U2AF1L4: variants seen among roughly 807,000 people sequenced by gnomAD.
The protein encoded by U2AF1L4 is U2 small nuclear RNA auxiliary factor 1 like 4, also known as splicing factor U2AF 26 kDa subunit.
In U2AF1L4, 21 loss-of-function variants were observed where a neutral mutation model predicts 21.7. That is an observed-to-expected ratio of 0.97 (90% CI 0.69 to 1.39). U2AF1L4 has a LOEUF of 1.39. U2AF1L4 is among the 40% of genes most tolerant of loss of function. The probability of loss-of-function intolerance (pLI) is 0.00; values close to 1 mark genes in which losing one functional copy is unlikely to be tolerated. For synonymous variants in U2AF1L4, 92 were observed against 89.7 expected (o/e 1.03, Z -0.15); for missense variants, 259 against 245.7 (o/e 1.05, Z -0.36).
intron 5 of U2AF1L4, 50 bp downstream of exon 5, chr19:35,743,759 T>C: frequency 6.8e-7 from 1 of 1,472,288 alleles, no homozygotes; most frequent in South Asian, 1.2e-5. Flanking sequence ...CATCTGAGGA[T>C]ATAGGGGCCT....
Position 35,742,792 on chromosome 19 carries a change from C to T in U2AF1L4, c.473G>A (p.Arg158Lys). The change falls in exon 6 of 6, where the codon AGG becomes AAG. Residue 158 changes from arginine to lysine, a missense_variant. By Grantham distance (26) the Arg-to-Lys change is conservative. Transcript: ENST00000378975. ...GRGPRRRSPP[R>K]FHTGHHPRER... is the part of the protein sequence containing the mutation. The stretch of plus-strand genomic sequence containing the variant: ...TCGGGGATGGTGGCCAGTATGGAAC[C>T]TCGGGGGTGACCTGGGAATAGGAGC... The T allele has an allele frequency of 6.2e-7, 1 of 1,610,832 alleles. No individual in the cohort carries two copies. Among genetic ancestry groups the T allele is most frequent in the East Asian group, 2.2e-5 (1 of 44,862 alleles).
intron 5 of U2AF1L4, chr19:35,743,395 A>C (rs1429609497): frequency 3.6e-5 from 8 of 219,210 alleles, no homozygotes; most frequent in East Asian, 1.7e-4. Context: ...AAAAAAAAAA[A>C]AAAAAAAACA....
chr19:35,744,788 C>A, intron 2 of U2AF1L4: 1 of 1,416,292 alleles, frequency 7.1e-7, no homozygotes, highest in Non-Finnish European at 9.6e-7. Context: ...AACCTTACAC[C>A]CCAGCCTAAG....
At chr19:35,744,716 G>A (rs1970483638) in intron 2 of U2AF1L4, 2 of 1,536,060 alleles carry the variant, frequency 1.3e-6, no homozygotes, top group Non-Finnish European at 1.7e-6. Flanking sequence ...AAAAGGGGCG[G>A]GGCCTGAGCT....
At position 35,744,424 on chromosome 19, in the gene U2AF1L4, G is replaced by C. The variant is rs1970461891; in HGVS notation, c.133-3C>G. On this transcript the variant is annotated splice_polypyrimidine_tract_variant and splice_region_variant and intron_variant, in intron 2 of 5. Transcript: ENST00000378975. ...TCCTGCAGTTCTGTGAACACCTCCTGTGGAAGACGGGGAGGAACTCAGCTG... is the reference window on the plus strand; with the variant it reads ...TCCTGCAGTTCTGTGAACACCTCCTCTGGAAGACGGGGAGGAACTCAGCTG... The C allele has an allele frequency of 6.2e-7, 1 of 1,614,112 alleles. No homozygotes were observed.
In U2AF1L4 at chr19:35,743,854, G is replaced by A. The variant is rs1368698729; in HGVS notation, c.416C>T (p.Ser139Phe). The A allele has an allele frequency of 6.2e-7, 1 of 1,613,632 alleles. No individual in the cohort carries two copies. Among genetic ancestry groups the A allele is most frequent in the Non-Finnish European group, 8.5e-7 (1 of 1,179,790 alleles). The part of the protein sequence containing the change: ...FCNFMHLRPI[S>F]QNLQRQLYGR... ...ATAGAGCTGCCTCTGGAGGTTCTGG[G>A]AAATGGGCCGCAGATGCATGAAGTT... The change falls in exon 5 of 6, where the codon TCC (serine) becomes TTC (phenylalanine). Residue 139 changes from serine (S) to phenylalanine (F), a missense_variant. Transcript: ENST00000378975.
intron 3 of U2AF1L4, 30 bp from the exon 4 acceptor site, chr19:35,744,175 G>C: frequency 6.2e-7 from 1 of 1,610,948 alleles, no homozygotes; most frequent in Non-Finnish European, 8.5e-7. Context: ...GGGTCAGCAG[G>C]AGAACTCAGA....
chr19:35,745,175 G>A lies in U2AF1L4; in HGVS notation c.82C>T (p.Arg28Trp). ...CSFYFKIGVC[R>W]HGDRCSRLHN... ...AGCCGGGAGCACCGGTCCCCGTGCC[G>A]GCAGACCCCGATCTTAAAGTAAAAA... Residue 28 changes from arginine (R) to tryptophan (W), a missense_variant, in exon 2 of 6, where the codon CGG becomes TGG. Arg to Trp is a moderately radical substitution (Grantham distance 101, BLOSUM62 -3). Coordinates refer to ENST00000378975, the MANE Select transcript of U2AF1L4 (RefSeq NM_001040425.3). The A allele has an allele frequency of 6.2e-7, 1 of 1,613,614 alleles. No individual in the cohort carries two copies. The highest frequency in any genetic ancestry group is 1.1e-5 in the South Asian group (1 of 91,072).
At position 35,745,170 on chromosome 19, in the gene U2AF1L4, G is replaced by A. The variant is rs757429871; in HGVS notation, c.87C>T (p.His29=). ...SFYFKIGVCR[H]GDRCSRLHNK... ...TGTGAAGCCGGGAGCACCGGTCCCC[G>A]TGCCGGCAGACCCCGATCTTAAAGT... is the stretch of plus-strand genomic sequence containing the variant. The change falls in exon 2 of 6, where the codon CAC becomes CAT. Residue 29 remains histidine (H), a synonymous_variant. Coordinates refer to ENST00000378975, the MANE Select transcript of U2AF1L4 (RefSeq NM_001040425.3). 16 of 1,613,534 alleles carry A rather than the reference G, an allele frequency of 9.9e-6. No homozygotes were observed. The highest frequency in any genetic ancestry group is 2.2e-5 in the East Asian group (1 of 44,890).
chr19:35,744,751 A>C, intron 2 of U2AF1L4: 1 of 1,531,542 alleles, frequency 6.5e-7, no homozygotes, highest in Non-Finnish European at 8.7e-7. Context: ...GCATGAACAG[A>C]GAGTGAGGCA....
In U2AF1L4 at chr19:35,743,802, G is replaced by A; in HGVS notation, c.461+7C>T. ...TGAGGAGACATAGCAGGCTGGTCCT[G>A]AGGTACCTGCGCCTGGGTCCCCGCC... On this transcript the variant is annotated splice_region_variant and intron_variant, in intron 5 of 5. Coordinates refer to ENST00000378975, the MANE Select transcript of U2AF1L4 (RefSeq NM_001040425.3). 6.2e-7 allele frequency: 1 copy of A among 1,605,524 alleles called. No individual in the cohort carries two copies. Among genetic ancestry groups the A allele is most frequent in the Non-Finnish European group, 8.5e-7 (1 of 1,175,988 alleles).
At chr19:35,744,544 G>C in intron 2 of U2AF1L4, 123 bp from the exon 3 acceptor site, 1 of 1,581,908 alleles carries the variant, frequency 6.3e-7, no homozygotes, top group Non-Finnish European at 8.6e-7. Flanking sequence ...ACATGACCTG[G>C]GGTGGGGGCG....
At chr19:35,745,095 T>A (rs1316299522) in intron 2 of U2AF1L4, 30 bp downstream of exon 2, 2 of 1,604,782 alleles carry the variant, frequency 1.2e-6, no homozygotes, top group Non-Finnish European at 1.7e-6. Context: ...AGGGAGCCGT[T>A]AACCCCCGAG....
At chr19:35,745,312 AC>A in intron 1 of U2AF1L4, 35 bp downstream of exon 1, 3 of 1,465,758 alleles carry the variant, frequency 2.0e-6, no homozygotes, top group Non-Finnish European at 9.5e-7. Flanking sequence ...CCCGGCCCCG[AC>A]CCCCCGAGAG....
chr19:35,743,486 C>T (rs1301076311), intron 5 of U2AF1L4: 1 of 335,256 alleles, frequency 3.0e-6, no homozygotes, highest in Admixed American at 4.4e-5. Flanking sequence ...GTTAGGAGTT[C>T]AGACCAGCCT....
chr19:35,744,885 G>A lies in U2AF1L4; in HGVS notation c.132+240C>T, dbSNP rs535948407. ...GGCAAGGATGAACAGCGGGATGGAA[G>A]GGACTGGCAAAGATGAACAGCCGCC... is the stretch of plus-strand genomic sequence containing the variant. On this transcript the variant is annotated intron_variant, in intron 2 of 5. Transcript: ENST00000378975. The A allele has an allele frequency of 3.5e-3, 2,646 of 759,960 alleles. 8 individuals are homozygous for A. Among genetic ancestry groups the A allele is most frequent in the Non-Finnish European group, 5.0e-3 (2,364 of 468,862 alleles). The allele number at this position is 759,960 out of a possible 1,614,324, so 47.1% of individuals were successfully genotyped here.
At chr19:35,742,478 T>C (rs2146501688), downstream of U2AF1L4, 2 of 1,557,924 alleles carry the variant, frequency 1.3e-6, no homozygotes, top group Non-Finnish European at 1.7e-6. Flanking sequence ...TTTCCCCTTT[T>C]CGTCACATGT....
At position 35,744,116 on chromosome 19, in the gene U2AF1L4, G is replaced by C. The variant is rs780870702; in HGVS notation, c.261C>G (p.Ala87=). 2 of 1,613,972 alleles carry C rather than the reference G, an allele frequency of 1.2e-6. No homozygotes were observed. Among genetic ancestry groups the C allele is most frequent in the Non-Finnish European group, 1.7e-6 (2 of 1,180,002 alleles). ...ACCAGCGGTTACTGAGTTCAGCCAC[G>C]GCCCGCTCTCCATCCTCCTCCCTCC... ...KFRREEDGER[A]VAELSNRWFN... Residue 87 remains alanine, a synonymous_variant, in exon 4 of 6, where the codon GCC becomes GCG. Coordinates refer to ENST00000378975, the MANE Select transcript of U2AF1L4 (RefSeq NM_001040425.3).
Position 35,745,416 on chromosome 19 carries a change from G to T in U2AF1L4, c.-25C>A, listed in dbSNP as rs542367419. The T allele has an allele frequency of 6.2e-7, 1 of 1,614,178 alleles. No homozygotes were observed. Among genetic ancestry groups the T allele is most frequent in the East Asian group, 2.2e-5 (1 of 44,882 alleles). ...TTTTTACCCAAGCCCTCCAGGTCTG[G>T]CTGCTCTTACGTCACTTCCGTTGCT... On this transcript the variant is annotated 5_prime_UTR_variant, in exon 1 of 6. Coordinates refer to ENST00000378975, the MANE Select transcript of U2AF1L4 (RefSeq NM_001040425.3).
Sources: allele counts gnomAD v4.1 joint callset, GRCh38; gene constraint gnomAD v4.1.1; transcripts MANE v1.5; gene names NCBI Gene and HGNC (gene_info 2026-07-23, HGNC 2026-07-21).